CAMKMT: variants seen among roughly 807,000 people sequenced by gnomAD.
CAMKMT encodes the protein CaM KMT.
Under a neutral mutation model 48.0 loss-of-function variants are expected in CAMKMT, and 53 were observed. That is an observed-to-expected ratio of 1.10 (90% CI 0.89 to 1.39). The LOEUF is 1.39. Among genes scored for constraint, CAMKMT ranks in the 40% most tolerant of loss-of-function variants. CAMKMT has a pLI of 0.00. For missense variants in CAMKMT, 428 were observed against 402.7 expected (o/e 1.06, Z -0.54); for synonymous variants, 165 against 152.3 (o/e 1.08, Z -0.61).
intron 3 of CAMKMT, among the ~76,000 whole-genome samples, chr2:44,581,069 G>A (rs1409317314): frequency 2.0e-5 from 3 of 152,054 alleles, no homozygotes; most frequent in Non-Finnish European, 4.4e-5. Context: ...CCTGCTTGCT[G>A]TGGTTGTGGT....
chr2:44,545,547 GTTTTGT>G, intron 3 of CAMKMT, among the ~76,000 whole-genome samples: 1 of 151,906 alleles, frequency 6.6e-6, no homozygotes, highest in African/African-American at 2.4e-5. Flanking sequence ...GTTTTGTTTT[GTTTTGT>G]TTTTGTTTTT....
At chr2:44,401,772 T>G (rs939706025) in intron 3 of CAMKMT, among the ~76,000 whole-genome samples, 12 of 152,168 alleles carry the variant, frequency 7.9e-5, no homozygotes, top group African/African-American at 2.9e-4. Context: ...TGTAGATCAA[T>G]TTCTTGCTTT....
intron 3 of CAMKMT, among the ~76,000 whole-genome samples, chr2:44,473,455 C>T (rs1347186462): frequency 6.6e-6 from 1 of 151,990 alleles, no homozygotes; most frequent in African/African-American, 2.4e-5. Flanking sequence ...AAAAACAGTG[C>T]TATGTTTAGT....
At chr2:44,398,178 G>C (rs188963139) in intron 3 of CAMKMT, among the ~76,000 whole-genome samples, 1 of 152,290 alleles carries the variant, frequency 6.6e-6, no homozygotes, top group African/African-American at 2.4e-5. Context: ...CTGATGTCCA[G>C]AACAAGGTAA....
chr2:44,549,442 G>A, intron 3 of CAMKMT: 2 of 649,412 alleles, frequency 3.1e-6, no homozygotes, highest in South Asian at 3.7e-5. Context: ...CACACAGCAG[G>A]AAGACTCAGT....
At chr2:44,469,273 T>C (rs1034870514) in intron 3 of CAMKMT, among the ~76,000 whole-genome samples, 31 of 152,214 alleles carry the variant, frequency 2.0e-4, no homozygotes, top group African/African-American at 7.2e-4. Flanking sequence ...TTAAATATAA[T>C]AATAATTTTT....
chr2:44,389,611 CTAT>C (rs1293957267), intron 2 of CAMKMT, among the ~76,000 whole-genome samples: 1 of 151,954 alleles, frequency 6.6e-6, no homozygotes, highest in African/African-American at 2.4e-5. Flanking sequence ...ACAATTGAGT[CTAT>C]TTGTATATAA....
chr2:44,568,084 G>C lies in CAMKMT; in HGVS notation c.377-136199G>C, dbSNP rs6755250. 1.7e-3 allele frequency among the ~76,000 whole-genome samples: 255 copies of C among 152,260 alleles called. 2 individuals are homozygous for C. The highest frequency in any genetic ancestry group is 5.7e-3 in the African/African-American group (236 of 41,542). On this transcript the variant is annotated intron_variant, in intron 3 of 10. Transcript: ENST00000378494. ...GGGTGGGGGTGGGTGATCAAAGCAT[G>C]CAACCTTGAGGAAGTAACAGTTGAG...
intron 3 of CAMKMT, among the ~76,000 whole-genome samples, chr2:44,504,009 A>AGAGAGAGAG (rs1558661671): frequency 7.0e-5 from 4 of 56,868 alleles, no homozygotes; most frequent in African/African-American, 3.1e-4. Context: ...GAGAGAGAGA[A>AGAGAGAGAG]AACGAAACGG....
intron 7 of CAMKMT, among the ~76,000 whole-genome samples, chr2:44,730,822 C>T (rs1679041925): frequency 6.6e-6 from 1 of 152,170 alleles, no homozygotes; most frequent in African/African-American, 2.4e-5. Context: ...GCTGTGCCAA[C>T]ATAGACTTTG....
intron 3 of CAMKMT, among the ~76,000 whole-genome samples, chr2:44,564,976 A>G (rs1034455483): frequency 9.9e-5 from 15 of 152,214 alleles, no homozygotes; most frequent in African/African-American, 2.7e-4. Context: ...CCATAGTCCA[A>G]AGAGATTTCC....
intron 3 of CAMKMT, among the ~76,000 whole-genome samples, chr2:44,635,671 C>A (rs569669062): frequency 1.3e-5 from 2 of 152,114 alleles, no homozygotes; most frequent in African/African-American, 4.8e-5. Context: ...TTTAGTTGTG[C>A]TGAATAATGT....
At chr2:44,462,951 T>G (rs1048408860) in intron 3 of CAMKMT, among the ~76,000 whole-genome samples, 3 of 152,230 alleles carry the variant, frequency 2.0e-5, no homozygotes, top group African/African-American at 7.2e-5. Context: ...CTTCTGTATT[T>G]CCTATACATT....
intron 3 of CAMKMT, among the ~76,000 whole-genome samples, chr2:44,533,873 G>A (rs138772217): frequency 3.3e-4 from 51 of 152,246 alleles, no homozygotes; most frequent in African/African-American, 1.2e-3. Context: ...TATAACAGGA[G>A]CATATCAATA....
chr2:44,772,220 G>T lies in CAMKMT; in HGVS notation c.*107G>T, dbSNP rs1681146326. On this transcript the variant is annotated 3_prime_UTR_variant, in exon 11 of 11. Transcript: ENST00000378494. ...TAATCGCCTGCCTGCGCCCTTTGCA[G>T]CATTTCACGTGTGGGCTATGGACTC... 1.1e-6 allele frequency: 1 copy of T among 878,112 alleles called. No homozygotes were observed. The highest frequency in any genetic ancestry group is 2.2e-5 in the Admixed American group (1 of 46,006). The allele number at this position is 878,112 out of a possible 1,614,324, so 54.4% of individuals were successfully genotyped here.
At chr2:44,754,230 C>A in intron 9 of CAMKMT, 112 bp downstream of exon 9, 1 of 784,682 alleles carries the variant, frequency 1.3e-6, no homozygotes, top group Non-Finnish European at 2.1e-6. Context: ...TACTTTAATA[C>A]TTATTATGTC....
intron 3 of CAMKMT, among the ~76,000 whole-genome samples, chr2:44,659,874 G>A (rs1160591833): frequency 6.6e-6 from 1 of 152,004 alleles, no homozygotes; most frequent in Non-Finnish European, 1.5e-5. Flanking sequence ...ACACATTGCT[G>A]TCTCTCATCA....
chr2:44,627,696 C>CTTTT (rs1672566043), intron 3 of CAMKMT, among the ~76,000 whole-genome samples: 1 of 85,032 alleles, frequency 1.2e-5, no homozygotes, highest in African/African-American at 3.9e-5. Flanking sequence ...CCCATTTTAT[C>CTTTT]CTTTTTTTTT....
At chr2:44,434,821 G>A (rs943215602) in intron 3 of CAMKMT, among the ~76,000 whole-genome samples, 1 of 152,164 alleles carries the variant, frequency 6.6e-6, no homozygotes, top group Admixed American at 6.5e-5. Context: ...AACAAAAAAT[G>A]GCAGAAACCT....
Sources: gnomAD v4.1 joint callset for allele counts (sites outside exome capture counted in the v4.1 genomes callset) on GRCh38, gnomAD v4.1.1 for gene constraint, MANE v1.5 for transcripts, NCBI Gene and HGNC (gene_info 2026-07-23, HGNC 2026-07-21) for gene names.